FRMPD4: variants seen among roughly 807,000 people sequenced by gnomAD.
FRMPD4 encodes FERM and PDZ domain containing 4.
In FRMPD4, 22 loss-of-function variants were observed where a neutral mutation model predicts 94.1. The ratio of observed to expected loss-of-function variants is 0.23; its 90% CI spans 0.17 to 0.33. The LOEUF (loss-of-function observed/expected upper bound fraction) is 0.33. FRMPD4 is among the 10% of genes least tolerant of loss of function. The pLI, the probability that FRMPD4 is intolerant of heterozygous loss-of-function variation, is 1.00. For synonymous variants in FRMPD4, 631 were observed against 548.6 expected, an observed-to-expected ratio of 1.15 and a Z score of -2.10; for missense variants, 1,111 against 1,339.9, an observed-to-expected ratio of 0.83 and a Z score of 2.67.
In FRMPD4 at chrX:12,576,019, A is replaced by G. The variant is rs779957071; in HGVS notation, c.159-33702A>G. 4.4e-5 allele frequency among the ~76,000 whole-genome samples: 5 copies of G among 112,465 alleles called. No individual in the cohort carries two copies. The East Asian group carries it at 1.1e-3, about 25-fold the overall frequency. On this transcript the variant is annotated intron_variant, in intron 2 of 16. Transcript: ENST00000675598. ...ATGGCGGCAATGGGAAACTAACACA[A>G]TGCATAACCATGTCTACATATCCAA... is the stretch of plus-strand genomic sequence containing the variant.
intron 4 of FRMPD4, among the ~76,000 whole-genome samples, chrX:12,657,259 C>T (rs1221496396): frequency 1.8e-5 from 2 of 111,725 alleles, no homozygotes; most frequent in Non-Finnish European, 3.8e-5. Context: ...TCATCTGAGG[C>T]TCAACTGAAA....
chrX:12,310,776 G>T, intron 1 of FRMPD4, among the ~76,000 whole-genome samples: 1 of 111,999 alleles, frequency 8.9e-6, no homozygotes, highest in Non-Finnish European at 1.9e-5. Flanking sequence ...TGCTCAGCAG[G>T]CAAGAAAATC....
At chrX:12,221,853 G>A (rs1253595994) in intron 1 of FRMPD4, among the ~76,000 whole-genome samples, 1 of 111,813 alleles carries the variant, frequency 8.9e-6, no homozygotes, top group Non-Finnish European at 1.9e-5. Flanking sequence ...AGCGACATCA[G>A]GAAATGGTTA....
At chrX:12,346,577 CT>C (rs956679734) in intron 1 of FRMPD4, among the ~76,000 whole-genome samples, 5 of 111,597 alleles carry the variant, frequency 4.5e-5, no homozygotes, top group Admixed American at 1.9e-4. Flanking sequence ...TATTCCCTCC[CT>C]TTTTGTCCAG....
intron 3 of FRMPD4, among the ~76,000 whole-genome samples, chrX:11,965,082 T>C: frequency 8.9e-6 from 1 of 112,795 alleles, no homozygotes; most frequent in African/African-American, 3.2e-5. Flanking sequence ...CTAATGTCCC[T>C]ATTGTAAGGT....
At chrX:11,954,634 G>T (rs772809346) in intron 3 of FRMPD4, among the ~76,000 whole-genome samples, 1 of 111,748 alleles carries the variant, frequency 8.9e-6, no homozygotes, top group African/African-American at 3.3e-5. Context: ...TAGTGCTGTG[G>T]TACACTGTGA....
chrX:12,277,038 G>A (rs1162852594), intron 1 of FRMPD4, among the ~76,000 whole-genome samples: 1 of 101,832 alleles, frequency 9.8e-6, no homozygotes, highest in Non-Finnish European at 2.0e-5. Flanking sequence ...GGAGAATGGC[G>A]TGAACCCGGG....
chrX:12,515,208 C>G (rs1403714518), intron 2 of FRMPD4, among the ~76,000 whole-genome samples: 6 of 111,534 alleles, frequency 5.4e-5, no homozygotes, highest in Admixed American at 4.8e-4. Flanking sequence ...TCCTTCAGTT[C>G]TGCTCTGATC....
chrX:11,871,158 C>A (rs757990164), intron 2 of FRMPD4, among the ~76,000 whole-genome samples: 39 of 112,453 alleles, frequency 3.5e-4, no homozygotes, highest in Non-Finnish European at 7.1e-4. Context: ...AAGAAAGATA[C>A]CCTAGCATTC....
intron 1 of FRMPD4, among the ~76,000 whole-genome samples, chrX:12,331,705 T>A (rs1272979134): frequency 1.5e-5 from 1 of 65,364 alleles, no homozygotes; most frequent in East Asian, 4.0e-4. Flanking sequence ...TATAAATATA[T>A]AATATATAAT....
intron 3 of FRMPD4, among the ~76,000 whole-genome samples, chrX:12,088,848 A>G (rs928350430): frequency 8.9e-6 from 1 of 112,357 alleles, no homozygotes; most frequent in Non-Finnish European, 1.9e-5. Context: ...ATAGAAAAGG[A>G]CACATATTTT....
chrX:12,629,022 G>C (rs2059372675), intron 4 of FRMPD4, among the ~76,000 whole-genome samples: 1 of 111,843 alleles, frequency 8.9e-6, no homozygotes, highest in Admixed American at 9.5e-5. Context: ...TCGATCTCAT[G>C]AGACTTATTT....
chrX:11,912,798 A>AAAG (rs761293765), intron 3 of FRMPD4, among the ~76,000 whole-genome samples: 1,462 of 111,083 alleles, frequency 0.013, 16 homozygotes, highest in Middle Eastern at 0.028. Context: ...AAAAAGAAAA[A>AAAG]AAGAAGAAGA....
At position 12,084,500 on chromosome X, in the gene FRMPD4, G is replaced by T. The variant is rs2055091273; in HGVS notation, c.95+206482G>T. On this transcript the variant is annotated intron_variant, in intron 3 of 18. Coordinates refer to the FRMPD4 transcript ENST00000640291. ...ACAGATGGAATATTCAAATAATTTGGGTGCTCTGTAGGAGTGATGGAGAAT... is the reference window on the plus strand; with the variant it reads ...ACAGATGGAATATTCAAATAATTTGTGTGCTCTGTAGGAGTGATGGAGAAT... Among the ~76,000 whole-genome samples the T allele has an allele frequency of 3.6e-5, 4 of 111,443 alleles. No individual in the cohort carries two copies. In the South Asian group the frequency reaches 1.5e-3, roughly 42 times the overall value.
chrX:12,459,037 G>A (rs138339196), intron 1 of FRMPD4, among the ~76,000 whole-genome samples: 169 of 111,736 alleles, frequency 1.5e-3, no homozygotes, highest in Middle Eastern at 0.014. Flanking sequence ...ACAATTGTTG[G>A]CAGCCATCTT....
intron 3 of FRMPD4, among the ~76,000 whole-genome samples, chrX:12,010,958 C>T (rs898440546): frequency 2.0e-4 from 22 of 111,917 alleles, no homozygotes; most frequent in Middle Eastern, 4.7e-3. Flanking sequence ...GAGCAAGCAA[C>T]GCATTTGGCA....
In FRMPD4 at chrX:12,707,816, C is replaced by T. The variant is rs371473505; in HGVS notation, c.1470+165C>T. On this transcript the variant is annotated intron_variant, in intron 13 of 16. Transcript: ENST00000675598. ...ACTCAGGCCTGAGGGCTCCAGTCCTCACTAAATCGCTGTGTGATTGGGAAC... is the reference window on the plus strand; with the variant it reads ...ACTCAGGCCTGAGGGCTCCAGTCCTTACTAAATCGCTGTGTGATTGGGAAC... 4.4e-5 allele frequency among the ~76,000 whole-genome samples: 5 copies of T among 112,544 alleles called. No homozygotes were observed. In the East Asian group the frequency reaches 1.1e-3, roughly 25 times the overall value.
chrX:12,266,631 C>T (rs1024502447), intron 1 of FRMPD4, among the ~76,000 whole-genome samples: 7 of 111,879 alleles, frequency 6.3e-5, no homozygotes, highest in Admixed American at 9.5e-5. Flanking sequence ...GCAAAGTTAC[C>T]TTACTCGGAC....
intron 4 of FRMPD4, among the ~76,000 whole-genome samples, chrX:12,670,435 C>A (rs2059828594): frequency 1.8e-5 from 2 of 111,787 alleles, no homozygotes; most frequent in African/African-American, 6.5e-5. Context: ...AGAAATAACA[C>A]CACACATCTA....
Sources: allele counts gnomAD v4.1 joint callset (sites outside exome capture counted in the v4.1 genomes callset), GRCh38; gene constraint gnomAD v4.1.1; transcripts MANE v1.5; gene names NCBI Gene and HGNC (gene_info 2026-07-23, HGNC 2026-07-21).